Variants in EFCC1 observed in about 807,000 individuals in gnomAD.
EFCC1 encodes the protein EF-hand and coiled-coil domain-containing protein 1.
EFCC1 carries 50 observed loss-of-function variants against 52.1 expected under a neutral mutation model. The observed-to-expected ratio is 0.96, with a 90% CI of 0.76 to 1.21. The LOEUF is 1.21. Among genes scored for constraint, EFCC1 ranks in the 50% most tolerant of loss-of-function variants. The pLI, the probability that EFCC1 is intolerant of heterozygous loss-of-function variation, is 0.00. For missense variants in EFCC1, 837 were observed against 867.3 expected (o/e 0.97, Z 0.44); for synonymous variants, 399 against 396.5 (o/e 1.01, Z -0.08).
intron 3 of EFCC1, among the ~76,000 whole-genome samples, chr3:129,032,368 C>T (rs978449883): frequency 6.6e-6 from 1 of 151,982 alleles, no homozygotes; most frequent in Non-Finnish European, 1.5e-5. Flanking sequence ...AGGGAAGAAG[C>T]CAGGCACGGT....
intron 5 of EFCC1, 80 bp from the exon 6 acceptor site, chr3:129,036,897 G>A: frequency 6.2e-7 from 1 of 1,604,304 alleles, no homozygotes; most frequent in Non-Finnish European, 8.5e-7. Flanking sequence ...CCAGCCTCGG[G>A]GAGATGGAGT....
rs3036084 is a variant in EFCC1, at chr3:129,023,310, C to CTTT, written c.981-7378_981-7376dup. Among the ~76,000 whole-genome samples, 21 of 138,158 alleles carry CTTT rather than the reference C, an allele frequency of 1.5e-4. 1 individual carries two copies. In the South Asian group the frequency reaches 1.6e-3, roughly 11 times the overall value. The allele number at this position is 138,158 out of a possible 152,430, so 90.6% of individuals were successfully genotyped here. ...GCCTCAGGCTAATGGCCTCTTGCTT[C>CTTT]TTTTTTTTTTTTTTTTTGAGACAGA... On this transcript the variant is annotated intron_variant, in intron 2 of 7. Transcript: ENST00000683648.
intron 1 of EFCC1, chr3:129,003,379 C>T (rs935070465): frequency 1.3e-6 from 1 of 756,790 alleles, no homozygotes; most frequent in African/African-American, 1.9e-5. Flanking sequence ...TCAAAAGCCT[C>T]TAGTGAGCAG....
chr3:129,034,297 G>A lies in EFCC1; in HGVS notation c.1420G>A (p.Gly474Ser), dbSNP rs114087327. 2,074 of 1,614,114 alleles carry A rather than the reference G, an allele frequency of 1.3e-3. 29 individuals carry two copies. The African/African-American group carries it at 0.024, about 19-fold the overall frequency. ...LVEQLRTQGC[G>S]GRTLGTSEEE... The stretch of plus-strand genomic sequence containing the variant: ...GGAGCAGCTGAGGACTCAGGGCTGC[G>A]GTGGGAGGACCCTGGGGACCTCTGA... Residue 474 changes from glycine (G) to serine (S), a missense_variant, in exon 5 of 8, where the codon GGT (glycine) becomes AGT (serine). Physicochemically the swap from Gly to Ser is moderately conservative, Grantham distance 56. Coordinates refer to ENST00000683648, the MANE Select transcript of EFCC1 (RefSeq NM_001377500.1).
chr3:129,004,180 A>G, intron 2 of EFCC1, 103 bp downstream of exon 2: 1 of 1,282,878 alleles, frequency 7.8e-7, no homozygotes, highest in South Asian at 1.8e-5. Context: ...CGTGTTCCGC[A>G]GTTTCTCCAT....
Position 129,002,266 on chromosome 3 carries a change from T to G in EFCC1, c.638T>G (p.Leu213Trp). 1 of 1,531,084 alleles carries G rather than the reference T, an allele frequency of 6.5e-7. No individual in the cohort carries two copies. The highest frequency in any genetic ancestry group is 1.2e-5 in the South Asian group (1 of 83,800). 94.8% of individuals were successfully genotyped at this position (1,531,084 alleles called of 1,614,324 possible). Residue 213 changes from leucine to tryptophan, a missense_variant, in exon 1 of 8, where the codon TTG becomes TGG. Physicochemically the swap from Leu to Trp is moderately conservative, Grantham distance 61. Transcript: ENST00000683648. ...LEEENSSLRE[L>W]VEDLRAALQS... ...GAGGAGAATAGCAGCTTGCGCGAGT[T>G]GGTGGAGGACCTGCGCGCCGCGCTG...
chr3:129,007,231 A>G (rs1260279383), intron 2 of EFCC1, among the ~76,000 whole-genome samples: 1 of 152,120 alleles, frequency 6.6e-6, no homozygotes, highest in Non-Finnish European at 1.5e-5. Flanking sequence ...GTAGGCTACA[A>G]TTCACCTCTG....
intron 2 of EFCC1, among the ~76,000 whole-genome samples, chr3:129,007,132 C>T (rs762363796): frequency 8.2e-4 from 125 of 152,328 alleles, no homozygotes; most frequent in Middle Eastern, 3.4e-3. Flanking sequence ...ACCACAAGCT[C>T]AAGTTGGGTT....
At chr3:129,006,209 C>T (rs1017071235) in intron 2 of EFCC1, among the ~76,000 whole-genome samples, 1 of 152,236 alleles carries the variant, frequency 6.6e-6, no homozygotes. Flanking sequence ...CACAGTTACA[C>T]GATGGCTGCT....
At chr3:129,008,197 A>T (rs895310927) in intron 2 of EFCC1, among the ~76,000 whole-genome samples, 1 of 152,254 alleles carries the variant, frequency 6.6e-6, no homozygotes, top group African/African-American at 2.4e-5. Flanking sequence ...ACCTGGGAAC[A>T]AAACCCCAAG....
Position 129,024,537 on chromosome 3 carries a change from A to G in EFCC1, c.981-6166A>G, listed in dbSNP as rs568069965. Among the ~76,000 whole-genome samples the G allele has an allele frequency of 8.5e-4, 129 of 151,604 alleles. 3 individuals carry two copies. The highest frequency in any genetic ancestry group is 8.1e-3 in the Admixed American group (124 of 15,238). ...CAGAGCAAGACTCCGTCGCAAAAAA[A>G]AAGAAAAAAAAAAAGAAAAAGAAAA... On this transcript the variant is annotated intron_variant, in intron 2 of 7. Transcript: ENST00000683648.
At chr3:129,008,703 T>G (rs900422652) in intron 2 of EFCC1, among the ~76,000 whole-genome samples, 2 of 152,214 alleles carry the variant, frequency 1.3e-5, no homozygotes, top group African/African-American at 4.8e-5. Context: ...CTTTCAGAGC[T>G]GTAGGAGTTG....
chr3:129,038,696 G>T lies in EFCC1; in HGVS notation c.1594-135G>T, dbSNP rs1576787615. 26 of 821,788 alleles carry T rather than the reference G, an allele frequency of 3.2e-5. No homozygotes were observed. The East Asian group carries it at 5.9e-4, about 19-fold the overall frequency. The allele number at this position is 821,788 out of a possible 1,614,324, so 50.9% of individuals were successfully genotyped here. A position where few individuals can be genotyped will look rare whatever the true frequency, so the allele number is the denominator to read the frequency against. ...CAGCCTAGGGGTAGGGGGCCAAGAA[G>T]CGATGAGGGTGGGGGAGGAGCTTTA... On this transcript the variant is annotated intron_variant, in intron 6 of 7. Transcript: ENST00000683648.
intron 2 of EFCC1, among the ~76,000 whole-genome samples, chr3:129,023,336 G>A (rs1009007046): frequency 1.3e-4 from 18 of 143,756 alleles, no homozygotes; most frequent in Non-Finnish European, 2.3e-4. Context: ...TTGAGACAGA[G>A]TCTTGAGTCT....
intron 6 of EFCC1, among the ~76,000 whole-genome samples, chr3:129,037,937 G>A (rs1946376951): frequency 6.6e-6 from 1 of 151,828 alleles, no homozygotes; most frequent in Non-Finnish European, 1.5e-5. Context: ...GGTGGTGTAT[G>A]CCTGTGGTCC....
chr3:129,017,331 A>G (rs767994128), intron 2 of EFCC1, among the ~76,000 whole-genome samples: 15 of 152,236 alleles, frequency 9.9e-5, no homozygotes, highest in Non-Finnish European at 1.9e-4. Context: ...TTTGGTTTCT[A>G]TCACAACCAT....
In EFCC1 at chr3:129,001,592, G is replaced by A; in HGVS notation, c.-37G>A. 2 of 1,353,670 alleles carry A rather than the reference G, an allele frequency of 1.5e-6. No individual in the cohort carries two copies. The highest frequency in any genetic ancestry group is 1.8e-5 in the South Asian group (1 of 54,498). The allele number at this position is 1,353,670 out of a possible 1,614,324, so 83.9% of individuals were successfully genotyped here. A position where few individuals can be genotyped will look rare whatever the true frequency, so the allele number is the denominator to read the frequency against. On this transcript the variant is annotated 5_prime_UTR_variant, in exon 1 of 8. Coordinates refer to ENST00000683648, the MANE Select transcript of EFCC1 (RefSeq NM_001377500.1). ...TGGAAGTGGCGGGGCGAAGGGACCG[G>A]AGGAGGGACCGGAGGAGCGAGGCGC...
intron 2 of EFCC1, among the ~76,000 whole-genome samples, chr3:129,004,588 C>T (rs1300779666): frequency 6.6e-6 from 1 of 151,118 alleles, no homozygotes; most frequent in Non-Finnish European, 1.5e-5. Context: ...CCACAAACAC[C>T]CTCTATTTGT....
intron 4 of EFCC1, 127 bp downstream of exon 4, chr3:129,033,093 C>T: frequency 1.5e-6 from 2 of 1,344,866 alleles, no homozygotes; most frequent in Non-Finnish European, 1.9e-6. Context: ...CGACTCTGTC[C>T]CCTTGTCCCT....
Sources: gnomAD v4.1 joint callset for allele counts (sites outside exome capture counted in the v4.1 genomes callset) on GRCh38, gnomAD v4.1.1 for gene constraint, MANE v1.5 for transcripts, NCBI Gene and HGNC (gene_info 2026-07-23, HGNC 2026-07-21) for gene names.